Variants in ATAD2 observed in about 807,000 individuals in gnomAD.
ATAD2 encodes the protein ATPase family AAA domain containing 2, also known as ATPase family AAA domain-containing protein 2.
Under a neutral mutation model 168.9 loss-of-function variants are expected in ATAD2, and 62 were observed. The observed-to-expected ratio is 0.37, with a 90% CI of 0.30 to 0.45. The LOEUF (loss-of-function observed/expected upper bound fraction) is 0.45, where lower values mean the gene tolerates loss of function less well. Ranked by LOEUF, ATAD2 falls within the 20% of genes least tolerant of loss-of-function variation. The pLI is 1.00. For synonymous variants in ATAD2, 613 were observed against 571.6 expected (o/e 1.07, Z -1.03); for missense variants, 1,419 against 1,667.8 (o/e 0.85, Z 2.60).
At position 123,320,821 on chromosome 8, in the gene ATAD2, C is replaced by A; in HGVS notation, c.*313G>T. On this transcript the variant is annotated 3_prime_UTR_variant, in exon 28 of 28. Transcript: ENST00000287394. ...TGCTTAATACAAACAAAATTTAACG[C>A]TGCTAATTATTCTTAAGTGCCATAA... 3.9e-6 allele frequency: 1 copy of A among 255,864 alleles called. No homozygotes were observed. Among genetic ancestry groups the A allele is most frequent in the Non-Finnish European group, 7.3e-6 (1 of 136,894 alleles). 15.8% of individuals were successfully genotyped at this position (255,864 alleles called of 1,614,324 possible).
intron 15 of ATAD2, 130 bp from the exon 16 acceptor site, chr8:123,347,536 G>T: frequency 1.1e-6 from 1 of 925,902 alleles, no homozygotes; most frequent in Non-Finnish European, 1.6e-6. Flanking sequence ...AAATATTTAA[G>T]AGTAATAAGA....
intron 10 of ATAD2, 33 bp from the exon 11 acceptor site, chr8:123,359,369 A>G: frequency 6.7e-7 from 1 of 1,499,368 alleles, no homozygotes; most frequent in Non-Finnish European, 9.2e-7. Flanking sequence ...ACATTTTTAG[A>G]TTTGGAGTCC....
At chr8:123,415,869 A>C (rs1813260424) in intron 1 of ATAD2, among the ~76,000 whole-genome samples, 1 of 152,242 alleles carries the variant, frequency 6.6e-6, no homozygotes, top group Non-Finnish European at 1.5e-5. Flanking sequence ...CTGGGATTAC[A>C]GGCGTGAGCC....
chr8:123,400,818 G>T (rs1812986139), upstream of ATAD2: 1 of 1,121,046 alleles, frequency 8.9e-7, no homozygotes, highest in East Asian at 2.4e-5. The surrounding 1 kb of genome is among the most constrained non-coding windows in gnomAD (Gnocchi z 4.5). Context: ...TGGCCATCAC[G>T]ATGGCTCTGG....
At chr8:123,346,005 C>A in intron 18 of ATAD2, 81 bp downstream of exon 18, 1 of 1,155,978 alleles carries the variant, frequency 8.7e-7, no homozygotes. Context: ...GACAAAAAAA[C>A]ACAATACAAA....
At chr8:123,400,503 C>A (rs1812980564), upstream of ATAD2, 1 of 386,056 alleles carries the variant, frequency 2.6e-6, no homozygotes, top group Admixed American at 3.6e-5. This position sits in a 1 kb window ranked among gnomAD's most constrained non-coding sequence, Gnocchi z 4.5. Context: ...GACCCAGTCT[C>A]AAAAAAATAG....
chr8:123,374,542 A>G (rs10087057), intron 2 of ATAD2, among the ~76,000 whole-genome samples: 90 of 152,232 alleles, frequency 5.9e-4, no homozygotes, highest in African/African-American at 2.1e-3. Context: ...TTTCTGAACC[A>G]CCCACCCCTA....
At chr8:123,393,237 G>C (rs569736130) in intron 1 of ATAD2, among the ~76,000 whole-genome samples, 1 of 151,724 alleles carries the variant, frequency 6.6e-6, no homozygotes, top group Non-Finnish European at 1.5e-5. Flanking sequence ...TTGGTGGGGC[G>C]TGGTGGTTCA....
intron 8 of ATAD2, among the ~76,000 whole-genome samples, chr8:123,368,462 A>G (rs1365783145): frequency 2.0e-5 from 3 of 152,166 alleles, no homozygotes; most frequent in Admixed American, 1.3e-4. Flanking sequence ...AAAATAGAAG[A>G]ATTATCTCTT....
chr8:123,410,086 C>T (rs1384654476), intron 1 of ATAD2, among the ~76,000 whole-genome samples: 5 of 151,836 alleles, frequency 3.3e-5, no homozygotes, highest in Non-Finnish European at 5.9e-5. Flanking sequence ...CTTATAATTT[C>T]CTCTGTTATT....
chr8:123,413,544 T>G (rs900999800), intron 1 of ATAD2, among the ~76,000 whole-genome samples: 12 of 152,180 alleles, frequency 7.9e-5, no homozygotes, highest in Non-Finnish European at 1.5e-4. Context: ...GTGTTACTTA[T>G]CCAAGGTCAC....
intron 18 of ATAD2, 152 bp downstream of exon 18, chr8:123,345,934 T>G (rs1017288658): frequency 9.3e-6 from 5 of 534,764 alleles, no homozygotes; most frequent in Non-Finnish European, 1.5e-5. Context: ...AGTCATTCTC[T>G]TTAATGACTA....
At chr8:123,385,306 A>G (rs1177877890) in intron 1 of ATAD2, among the ~76,000 whole-genome samples, 1 of 148,656 alleles carries the variant, frequency 6.7e-6, no homozygotes, top group Non-Finnish European at 1.5e-5. Flanking sequence ...ATGCAAATTA[A>G]AAGAGAGAAA....
chr8:123,371,586 T>A, intron 4 of ATAD2, 84 bp downstream of exon 4: 1 of 1,267,404 alleles, frequency 7.9e-7, no homozygotes, highest in Non-Finnish European at 1.1e-6. Context: ...CATTAAATGT[T>A]TGGGCTGGTT....
chr8:123,364,395 G>C (rs1403602246), intron 8 of ATAD2, among the ~76,000 whole-genome samples: 1 of 152,056 alleles, frequency 6.6e-6, no homozygotes, highest in Non-Finnish European at 1.5e-5. Context: ...ACAAGGTAGA[G>C]AAAGAGGGAA....
At chr8:123,408,807 G>A (rs940970624) in intron 1 of ATAD2, among the ~76,000 whole-genome samples, 7 of 151,330 alleles carry the variant, frequency 4.6e-5, no homozygotes, top group Admixed American at 2.0e-4. Context: ...GTGAGCCACC[G>A]TGCCCGGCCT....
At chr8:123,385,571 T>C (rs1236164306) in intron 1 of ATAD2, among the ~76,000 whole-genome samples, 2 of 152,120 alleles carry the variant, frequency 1.3e-5, no homozygotes, top group African/African-American at 2.4e-5. Context: ...TAGGAACTCT[T>C]AGGAGAAAAC....
intron 1 of ATAD2, among the ~76,000 whole-genome samples, chr8:123,395,012 C>T (rs1812761272): frequency 6.6e-6 from 1 of 152,192 alleles, no homozygotes; most frequent in South Asian, 2.1e-4. Context: ...TATCTAAATA[C>T]AAGATCTTAA....
rs763044602 is a variant in ATAD2, at chr8:123,357,689, G to A, written c.1430C>T (p.Ala477Val). ...ACTGCACTCATTGGCAAGTGCTCTG[G>A]CAACCAGAGTCTTTCCAGTTCCAGG... Reference protein sequence around the residue: ...GPPGTGKTLVARALANECSQG... With the variant: ...GPPGTGKTLVVRALANECSQG... The change falls in exon 12 of 28, where the codon GCC becomes GTC. Residue 477 changes from alanine (A) to valine (V), a missense_variant. By Grantham distance (64) the Ala-to-Val change is moderately conservative (BLOSUM62 0). Coordinates refer to ENST00000287394, the MANE Select transcript of ATAD2 (RefSeq NM_014109.4). 6.2e-7 allele frequency: 1 copy of A among 1,612,946 alleles called. No individual in the cohort carries two copies. The highest frequency in any genetic ancestry group is 8.5e-7 in the Non-Finnish European group (1 of 1,179,618).
Sources: gnomAD v4.1 joint callset for allele counts (sites outside exome capture counted in the v4.1 genomes callset) on GRCh38, gnomAD v4.1.1 for gene constraint, Gnocchi (gnomAD v3.1) non-coding constraint, MANE v1.5 for transcripts, NCBI Gene and HGNC (gene_info 2026-07-23, HGNC 2026-07-21) for gene names.